The following UQCRC1 variants were observed in gnomAD, a reference collection of about 807,000 sequenced individuals.
The protein encoded by UQCRC1 is ubiquinol-cytochrome c reductase core protein 1, also known as cytochrome b-c1 complex subunit 1, mitochondrial.
UQCRC1 carries 34 observed loss-of-function variants against 58.0 expected under a neutral mutation model. The observed-to-expected ratio is 0.59, with a 90% confidence interval of 0.45 to 0.78. The LOEUF is 0.78. Ranked by LOEUF, UQCRC1 falls within the 30% of genes least tolerant of loss-of-function variation. The pLI, the probability that UQCRC1 is intolerant of heterozygous loss-of-function variation, is 0.00. For missense variants in UQCRC1, 610 were observed against 646.0 expected, an observed-to-expected ratio of 0.94 and a Z score of 0.60; for synonymous variants, 276 against 248.8, an observed-to-expected ratio of 1.11 and a Z score of -1.03.
chr3:48,607,692 G>A (rs945899927), intron 2 of UQCRC1, among the ~76,000 whole-genome samples: 2 of 151,834 alleles, frequency 1.3e-5, no homozygotes, highest in Non-Finnish European at 2.9e-5. Context: ...TCAAAGCCCT[G>A]GAATTACTGG....
chr3:48,607,559 C>CTT (rs112257968), intron 2 of UQCRC1, among the ~76,000 whole-genome samples: 100 of 139,546 alleles, frequency 7.2e-4, no homozygotes, highest in Non-Finnish European at 1.1e-3. Flanking sequence ...CCATTTTTTT[C>CTT]TTTTTTTTTT....
At chr3:48,601,794 T>C (rs2046368459) in intron 6 of UQCRC1, among the ~76,000 whole-genome samples, 1 of 152,150 alleles carries the variant, frequency 6.6e-6, no homozygotes, top group Admixed American at 6.5e-5. Flanking sequence ...ACAAGACTGG[T>C]ACTCCTGGGC....
chr3:48,605,446 A>T (rs1489364778), intron 3 of UQCRC1, among the ~76,000 whole-genome samples: 1 of 152,238 alleles, frequency 6.6e-6, no homozygotes, highest in Non-Finnish European at 1.5e-5. Context: ...AACATTTCAT[A>T]AGCAAGCATG....
chr3:48,606,524 G>A (rs990649158), intron 2 of UQCRC1, among the ~76,000 whole-genome samples: 21 of 152,166 alleles, frequency 1.4e-4, no homozygotes, highest in African/African-American at 5.1e-4. Context: ...CAAGGCAGGT[G>A]GATTACGAGG....
intron 2 of UQCRC1, among the ~76,000 whole-genome samples, chr3:48,606,406 C>T (rs2046413141): frequency 6.6e-6 from 1 of 152,124 alleles, no homozygotes; most frequent in Non-Finnish European, 1.5e-5. Flanking sequence ...TGCCTTGGCA[C>T]CCAATAAGGT....
At chr3:48,599,214 T>C in intron 12 of UQCRC1, 22 bp from the exon 13 acceptor site, 1 of 1,582,608 alleles carries the variant, frequency 6.3e-7, no homozygotes, top group Non-Finnish European at 8.6e-7. Context: ...GGGTGGAGCG[T>C]CAGGGTGGGG....
chr3:48,600,374 T>C, intron 10 of UQCRC1, 108 bp downstream of exon 10: 1 of 1,386,274 alleles, frequency 7.2e-7, no homozygotes, highest in South Asian at 1.2e-5. Context: ...CATGGCGTGG[T>C]CTTCAAAGTT....
chr3:48,599,855 G>A (rs1042504685), intron 11 of UQCRC1, 145 bp from the exon 12 acceptor site: 144 of 1,040,102 alleles, frequency 1.4e-4, no homozygotes, highest in Non-Finnish European at 1.9e-4. Flanking sequence ...AGGGATCCCT[G>A]CTATAGACCT....
chr3:48,608,618 G>A (rs550961719), intron 2 of UQCRC1, among the ~76,000 whole-genome samples: 235 of 152,316 alleles, frequency 1.5e-3, no homozygotes, highest in Non-Finnish European at 2.7e-3. Context: ...GAAAGGAGGA[G>A]GAGATAATTA....
rs2046384709 is a variant in UQCRC1, at chr3:48,603,580, C to G, written c.690G>C (p.Val230=). ...LSTHYKAPRM[V]LAAAGGVEHQ... ...ATCACTCACCTCCAGCTGCTGCCAG[C>G]ACCATTCGAGGGGCCTTGTAATGTG... Residue 230 remains valine, a synonymous_variant, in exon 6 of 13, where the codon GTG becomes GTC. Transcript: ENST00000203407. 6.2e-7 allele frequency: 1 copy of G among 1,613,854 alleles called. No homozygotes were observed. The highest frequency in any genetic ancestry group is 2.2e-5 in the East Asian group (1 of 44,882).
At chr3:48,599,484 T>G (rs1229948723) in intron 12 of UQCRC1, 151 bp downstream of exon 12, 14 of 842,932 alleles carry the variant, frequency 1.7e-5, no homozygotes, top group Non-Finnish European at 2.2e-5. Flanking sequence ...GAGCAAGAAC[T>G]CCCTGGCAGC....
At position 48,600,071 on chromosome 3, in the gene UQCRC1, G is replaced by A. The variant is rs757165759; in HGVS notation, c.1294C>T (p.Arg432Trp). 30 of 1,614,014 alleles carry A rather than the reference G, an allele frequency of 1.9e-5. No individual in the cohort carries two copies. The highest frequency in any genetic ancestry group is 3.3e-5 in the Admixed American group (2 of 60,000). Reference sequence around the variant, plus strand: ...CCAGGGGTCCATGTTACCGCAATCCGGCTTTCCCATTCAGCCAGGGGGATG... The same window carrying A: ...CCAGGGGTCCATGTTACCGCAATCCAGCTTTCCCATTCAGCCAGGGGGATG... ...RRIPLAEWES[R>W]IAEVDASVVR... The change falls in exon 11 of 13, where the codon CGG (arginine) becomes TGG (tryptophan). Residue 432 changes from arginine to tryptophan, a missense_variant. Transcript: ENST00000203407.
chr3:48,599,780 C>T, intron 11 of UQCRC1, 70 bp from the exon 12 acceptor site: 1 of 1,496,392 alleles, frequency 6.7e-7, no homozygotes, highest in Non-Finnish European at 9.3e-7. Flanking sequence ...TCAGCATCAT[C>T]CAACTAGCAG....
chr3:48,605,505 T>A (rs1388116696), intron 3 of UQCRC1, among the ~76,000 whole-genome samples: 1 of 152,218 alleles, frequency 6.6e-6, no homozygotes, highest in Non-Finnish European at 1.5e-5. Flanking sequence ...TATCTACGTG[T>A]GTTCCACAGG....
intron 6 of UQCRC1, 30 bp from the exon 7 acceptor site, chr3:48,601,497 C>G (rs1460578641): frequency 6.2e-7 from 1 of 1,605,720 alleles, no homozygotes; most frequent in African/African-American, 1.3e-5. Context: ...CATTACTGAC[C>G]AGCCAGGGCC....
intron 2 of UQCRC1, among the ~76,000 whole-genome samples, chr3:48,607,967 G>T (rs1224094780): frequency 6.6e-6 from 1 of 152,206 alleles, no homozygotes; most frequent in Non-Finnish European, 1.5e-5. Flanking sequence ...TGGGATTACA[G>T]GCGTGTGCCA....
chr3:48,599,171 T>G lies in UQCRC1; in HGVS notation c.1400A>C (p.Asp467Ala). The stretch of plus-strand genomic sequence containing the variant: ...CATGCCGCTACGGATCCGGTTGTAG[T>G]CTGGGAGCTGCTCAATGGGGCCTGT... ...AGYGPIEQLPDYNRIRSGMFW... is the reference protein window; with the variant it reads ...AGYGPIEQLPAYNRIRSGMFW... The change falls in exon 13 of 13, where the codon GAC becomes GCC. Residue 467 changes from aspartate to alanine, a missense_variant. Physicochemically the swap from Asp to Ala is moderately radical, Grantham distance 126. Coordinates refer to ENST00000203407, the MANE Select transcript of UQCRC1 (RefSeq NM_003365.3). The G allele has an allele frequency of 6.2e-7, 1 of 1,609,614 alleles. No homozygotes were observed.
intron 5 of UQCRC1, 64 bp downstream of exon 5, chr3:48,604,169 T>C: frequency 6.4e-7 from 1 of 1,563,718 alleles, no homozygotes; most frequent in Non-Finnish European, 8.7e-7. Flanking sequence ...AAATGTGACC[T>C]GGAAAGGGTC....
At chr3:48,607,230 A>C (rs1388481388) in intron 2 of UQCRC1, among the ~76,000 whole-genome samples, 1 of 151,910 alleles carries the variant, frequency 6.6e-6, no homozygotes, top group African/African-American at 2.4e-5. Context: ...TTTAGTAGAG[A>C]CGGGGTTTCA....
Sources: gnomAD v4.1 joint callset for allele counts (sites outside exome capture counted in the v4.1 genomes callset) on GRCh38, gnomAD v4.1.1 for gene constraint, MANE v1.5 for transcripts, NCBI Gene and HGNC (gene_info 2026-07-23, HGNC 2026-07-21) for gene names.